The following SFMBT2 variants were observed in gnomAD, a reference collection of about 807,000 sequenced individuals.
The protein encoded by SFMBT2 is scm-like with four MBT domains protein 2.
In SFMBT2, 38 loss-of-function variants were observed where a neutral mutation model predicts 110.1. The ratio of observed to expected loss-of-function variants is 0.35; its 90% CI spans 0.27 to 0.45. The LOEUF is 0.45. SFMBT2 is among the 20% of genes least tolerant of loss of function. SFMBT2 has a pLI of 1.00. For missense variants in SFMBT2, 1,011 were observed against 1,094.9 expected, an observed-to-expected ratio of 0.92 and a Z score of 1.08; for synonymous variants, 425 against 425.4, an observed-to-expected ratio of 1.00 and a Z score of 0.01.
intron 11 of SFMBT2, among the ~76,000 whole-genome samples, chr10:7,215,012 C>T (rs1192182634): frequency 6.6e-6 from 1 of 152,216 alleles, no homozygotes; most frequent in Non-Finnish European, 1.5e-5. Flanking sequence ...TCTGCCTCAA[C>T]TAAAAGGCTA....
chr10:7,347,366 C>T (rs1844150186), intron 4 of SFMBT2, among the ~76,000 whole-genome samples: 1 of 152,168 alleles, frequency 6.6e-6, no homozygotes, highest in South Asian at 2.1e-4. Context: ...TGAGCCACAG[C>T]ATTTTAGGGC....
At chr10:7,201,008 C>T (rs1838938685) in intron 13 of SFMBT2, 1 of 172,226 alleles carries the variant, frequency 5.8e-6, no homozygotes, top group Non-Finnish European at 1.2e-5. Context: ...TATTCCAGGA[C>T]AGAGCTCTGT....
chr10:7,322,002 T>C (rs867863101), intron 4 of SFMBT2, among the ~76,000 whole-genome samples: 1 of 152,194 alleles, frequency 6.6e-6, no homozygotes, highest in Non-Finnish European at 1.5e-5. Flanking sequence ...AAATGACAAA[T>C]AGGACCAGCA....
chr10:7,302,821 AAGG>A (rs1428346385), intron 4 of SFMBT2, among the ~76,000 whole-genome samples: 4 of 152,178 alleles, frequency 2.6e-5, no homozygotes, highest in Admixed American at 6.5e-5. Flanking sequence ...GTAGGAATGA[AAGG>A]AGGTGTATTT....
intron 4 of SFMBT2, among the ~76,000 whole-genome samples, chr10:7,313,710 C>A (rs1430241910): frequency 6.6e-6 from 1 of 152,112 alleles, no homozygotes; most frequent in African/African-American, 2.4e-5. Flanking sequence ...TCTTGAACTC[C>A]TTGGCTTGAG....
intron 14 of SFMBT2, 54 bp from the exon 15 acceptor site, chr10:7,197,741 G>A (rs979337659): frequency 5.6e-6 from 9 of 1,594,682 alleles, no homozygotes; most frequent in Non-Finnish European, 7.7e-6. Flanking sequence ...CAGACCCTAG[G>A]GGACCCCTAG....
chr10:7,332,240 CAGTGGATGAACTTCAATAA>C (rs558877670), intron 4 of SFMBT2, among the ~76,000 whole-genome samples: 230 of 152,220 alleles, frequency 1.5e-3, no homozygotes, highest in African/African-American at 4.2e-3. Flanking sequence ...GCAAGTGTTT[CAGTGGATGAACTTCAATAA>C]GGCTGAGAAG....
chr10:7,302,052 C>A (rs1419739464), intron 4 of SFMBT2, among the ~76,000 whole-genome samples: 4 of 152,118 alleles, frequency 2.6e-5, no homozygotes, highest in African/African-American at 9.7e-5. Context: ...CAACAGAAAA[C>A]TACCAGAAAA....
At chr10:7,292,955 C>G (rs932865828) in intron 4 of SFMBT2, among the ~76,000 whole-genome samples, 2 of 151,958 alleles carry the variant, frequency 1.3e-5, no homozygotes, top group Non-Finnish European at 2.9e-5. Flanking sequence ...CCACTGTACT[C>G]CAGGCTGGGT....
At chr10:7,396,872 G>T (rs1272319738) in intron 1 of SFMBT2, among the ~76,000 whole-genome samples, 1 of 127,850 alleles carries the variant, frequency 7.8e-6, no homozygotes, top group African/African-American at 2.9e-5. Flanking sequence ...ACAGGGTGGG[G>T]AACATCACAC....
chr10:7,246,643 C>T (rs550881033), intron 8 of SFMBT2, among the ~76,000 whole-genome samples: 43 of 129,372 alleles, frequency 3.3e-4, no homozygotes, highest in South Asian at 7.7e-4. Flanking sequence ...AGCTTGAACT[C>T]GGGAGGCAGA....
intron 1 of SFMBT2, among the ~76,000 whole-genome samples, chr10:7,398,924 G>A (rs1845996414): frequency 6.6e-6 from 1 of 152,188 alleles, no homozygotes; most frequent in Non-Finnish European, 1.5e-5. Context: ...CTGTAAGCCA[G>A]ACATGCATGG....
chr10:7,287,968 G>T (rs139275224), intron 4 of SFMBT2, among the ~76,000 whole-genome samples: 67 of 152,278 alleles, frequency 4.4e-4, no homozygotes, highest in South Asian at 1.7e-3. Flanking sequence ...ACAGACATAT[G>T]CAAATAAAAT....
intron 4 of SFMBT2, among the ~76,000 whole-genome samples, chr10:7,363,609 G>C (rs768042318): frequency 2.4e-4 from 37 of 152,104 alleles, no homozygotes; most frequent in Non-Finnish European, 2.9e-4. Context: ...GCCTCCCAAA[G>C]TGCTGTGATT....
intron 4 of SFMBT2, chr10:7,286,260 G>A (rs1331473233): frequency 5.2e-6 from 1 of 193,710 alleles, no homozygotes; most frequent in East Asian, 1.9e-4. Flanking sequence ...GTACAATTCA[G>A]GAGGTTCCAA....
rs140727135 is a variant in SFMBT2 at position 7,176,483 on chromosome 10, C to T, written c.1809-318G>A. 3.0e-4 allele frequency: 300 copies of T among 985,350 alleles called. No individual in the cohort carries two copies. In the African/African-American group the frequency reaches 4.8e-3, roughly 16 times the overall value. The allele number at this position is 985,350 out of a possible 1,614,324, so 61.0% of individuals were successfully genotyped here. On this transcript the variant is annotated intron_variant, in intron 16 of 20. Coordinates refer to ENST00000397167, the MANE Select transcript of SFMBT2 (RefSeq NM_001387889.1). ...CGGGATACATACCTGATGGGCATGGCTCTCGAAATGAGGTTAGTGAAATCG... is the reference window on the plus strand; with the variant it reads ...CGGGATACATACCTGATGGGCATGGTTCTCGAAATGAGGTTAGTGAAATCG...
chr10:7,163,277 A>G lies in SFMBT2; in HGVS notation c.*493T>C. The G allele has an allele frequency of 6.4e-6, 1 of 156,316 alleles. No individual in the cohort carries two copies. Among genetic ancestry groups the G allele is most frequent in the Non-Finnish European group, 1.4e-5 (1 of 70,552 alleles). The allele number at this position is 156,316 out of a possible 1,614,324, so 9.7% of individuals were successfully genotyped here. The stretch of plus-strand genomic sequence containing the variant: ...GATGTCGCTGCCAGCTGCATTGCAA[A>G]GGAGTTGCCACCAAGATGAAACCGC... On this transcript the variant is annotated 3_prime_UTR_variant, in exon 21 of 21. Coordinates refer to ENST00000397167, the MANE Select transcript of SFMBT2 (RefSeq NM_001387889.1). This position sits in a 1 kb window ranked among gnomAD's most constrained non-coding sequence, Gnocchi z 4.8.
intron 4 of SFMBT2, among the ~76,000 whole-genome samples, chr10:7,339,745 C>A (rs1256092778): frequency 6.6e-6 from 1 of 152,210 alleles, no homozygotes; most frequent in Non-Finnish European, 1.5e-5. Flanking sequence ...TCAGAGCAAG[C>A]ACTGAATAAA....
intron 7 of SFMBT2, among the ~76,000 whole-genome samples, chr10:7,259,019 G>A (rs546582523): frequency 1.3e-5 from 2 of 152,298 alleles, no homozygotes; most frequent in African/African-American, 2.4e-5. Flanking sequence ...ATTTAGGACC[G>A]TAGTATCATA....
Sources: gnomAD v4.1 joint callset for allele counts (sites outside exome capture counted in the v4.1 genomes callset) on GRCh38, gnomAD v4.1.1 for gene constraint, Gnocchi (gnomAD v3.1) non-coding constraint, MANE v1.5 for transcripts, NCBI Gene and HGNC (gene_info 2026-07-23, HGNC 2026-07-21) for gene names.